ETHE1: variants seen among roughly 807,000 people sequenced by gnomAD.
ETHE1 encodes the protein ETHE1 persulfide dioxygenase.
A neutral mutation model predicts 25.7 loss-of-function variants in ETHE1; 16 were observed. The ratio of observed to expected loss-of-function variants is 0.62; its 90% CI spans 0.42 to 0.95. ETHE1 has a LOEUF of 0.95. Among genes scored for constraint, ETHE1 ranks in the 40% least tolerant of loss-of-function variants. The pLI is 0.00. For synonymous variants in ETHE1, 139 were observed against 135.9 expected, an observed-to-expected ratio of 1.02 and a Z score of -0.16; for missense variants, 300 against 333.6, an observed-to-expected ratio of 0.90 and a Z score of 0.79.
At position 43,508,765 on chromosome 19, in the gene ETHE1, A is replaced by AAGCCCTCAC. The variant is rs1568491870; in HGVS notation, c.595+1_595+9dup. On this transcript the variant is annotated intron_variant, in intron 5 of 6. Coordinates refer to ENST00000292147, the MANE Select transcript of ETHE1 (RefSeq NM_014297.5). ...ATGTACGCCCCACACCTCTTCCAGGAAGCCCTCACCATGGTAATCGTGAGC... is the reference window on the plus strand; with the variant it reads ...ATGTACGCCCCACACCTCTTCCAGGAAGCCCTCACAGCCCTCACCATGGTAATCGTGAGC... 1.9e-6 allele frequency: 3 copies of AAGCCCTCAC among 1,589,300 alleles called. No homozygotes were observed. The highest frequency in any genetic ancestry group is 1.7e-6 in the Non-Finnish European group (2 of 1,165,762).
intron 4 of ETHE1, among the ~76,000 whole-genome samples, chr19:43,510,564 A>G (rs1471374303): frequency 6.7e-6 from 1 of 149,912 alleles, no homozygotes; most frequent in Admixed American, 6.7e-5. Context: ...TGAACTCCTG[A>G]CCTCATGATC....
intron 3 of ETHE1, 180 bp downstream of exon 3, chr19:43,526,021 C>G (rs902141618): frequency 1.2e-6 from 1 of 824,038 alleles, no homozygotes; most frequent in Non-Finnish European, 1.9e-6. Flanking sequence ...CCTCTTGCCC[C>G]AGTGCCCCAC....
chr19:43,512,159 T>C (rs1005054655), intron 3 of ETHE1, among the ~76,000 whole-genome samples: 1 of 152,204 alleles, frequency 6.6e-6, no homozygotes, highest in African/African-American at 2.4e-5. Context: ...GGGATGTCTT[T>C]ATTAGCAGCA....
intron 3 of ETHE1, among the ~76,000 whole-genome samples, chr19:43,520,394 G>A (rs559203230): frequency 1.3e-5 from 2 of 152,096 alleles, no homozygotes; most frequent in Non-Finnish European, 2.9e-5. Context: ...TGGATGGTTA[G>A]AGATGTACAC....
chr19:43,508,561 ACTCACTCCTGGG>A (rs1002824649), intron 5 of ETHE1, among the ~76,000 whole-genome samples: 1 of 151,792 alleles, frequency 6.6e-6, no homozygotes, highest in African/African-American at 2.4e-5. Context: ...CTGGTCTCGA[ACTCACTCCTGGG>A]CTCAAATGAG....
intron 3 of ETHE1, among the ~76,000 whole-genome samples, chr19:43,522,934 G>A (rs1972164451): frequency 6.6e-6 from 1 of 152,104 alleles, no homozygotes; most frequent in African/African-American, 2.4e-5. Flanking sequence ...TTACTATCTG[G>A]TCCTTCACAG....
At chr19:43,509,239 G>A (rs1236238282) in intron 4 of ETHE1, among the ~76,000 whole-genome samples, 1 of 152,182 alleles carries the variant, frequency 6.6e-6, no homozygotes, top group Non-Finnish European at 1.5e-5. Context: ...GCTCATGCCT[G>A]TAATCCTAGC....
At chr19:43,510,511 T>G (rs1014012458) in intron 4 of ETHE1, among the ~76,000 whole-genome samples, 10 of 151,908 alleles carry the variant, frequency 6.6e-5, no homozygotes, top group African/African-American at 2.4e-4. Flanking sequence ...ATTTTTGTAT[T>G]TTTAGTAGAG....
intron 1 of ETHE1, 95 bp downstream of exon 1, chr19:43,527,002 T>C: frequency 6.5e-7 from 1 of 1,535,152 alleles, no homozygotes; most frequent in East Asian, 2.4e-5. Context: ...CAGGCGTGGG[T>C]CCCCCCGGAT....
intron 3 of ETHE1, among the ~76,000 whole-genome samples, chr19:43,520,745 T>A (rs1972123177): frequency 6.6e-6 from 1 of 151,930 alleles, no homozygotes; most frequent in Admixed American, 6.6e-5. Flanking sequence ...ATGCTTGAAA[T>A]TTTTCATAAT....
intron 3 of ETHE1, among the ~76,000 whole-genome samples, chr19:43,515,872 G>A (rs547200483): frequency 4.6e-5 from 7 of 152,140 alleles, no homozygotes; most frequent in South Asian, 2.1e-4. Flanking sequence ...CACCGTGACC[G>A]GCCAATCTAT....
At position 43,506,791 on chromosome 19, in the gene ETHE1, C is replaced by T. The variant is rs1225180077; in HGVS notation, c.*59G>A. On this transcript the variant is annotated 3_prime_UTR_variant, in exon 7 of 7. Coordinates refer to ENST00000292147, the MANE Select transcript of ETHE1 (RefSeq NM_014297.5). ...GAAAGGAGAGGTGCAGTGTCATTGC[C>T]GCCCTCTCCTCCCACCTAGTGCATT... The T allele has an allele frequency of 6.7e-6, 10 of 1,495,054 alleles. No individual in the cohort carries two copies. Among genetic ancestry groups the T allele is most frequent in the Admixed American group, 1.7e-5 (1 of 59,782 alleles). The allele number at this position is 1,495,054 out of a possible 1,614,324, so 92.6% of individuals were successfully genotyped here.
At chr19:43,516,623 CTTT>C (rs71169249) in intron 3 of ETHE1, among the ~76,000 whole-genome samples, 1 of 110,166 alleles carries the variant, frequency 9.1e-6, no homozygotes. Context: ...TTCTTTTTTT[CTTT>C]TTTTTTTTTT....
In ETHE1 at chr19:43,521,246, C is replaced by T. The variant is rs1972132704; in HGVS notation, c.375+4955G>A. Among the ~76,000 whole-genome samples, 6 of 152,050 alleles carry T rather than the reference C, an allele frequency of 3.9e-5. 1 individual carries two copies. In the South Asian group the frequency reaches 1.2e-3, roughly 32 times the overall value. On this transcript the variant is annotated intron_variant, in intron 3 of 6. Coordinates refer to ENST00000292147, the MANE Select transcript of ETHE1 (RefSeq NM_014297.5). ...ACTGGAGAGGCTGAGGCAGAAGGAT[C>T]ACCGAAAGGCGGAGGTTGCAGTGAG...
chr19:43,522,628 C>T (rs927174042), intron 3 of ETHE1, among the ~76,000 whole-genome samples: 1 of 152,074 alleles, frequency 6.6e-6, no homozygotes, highest in African/African-American at 2.4e-5. Context: ...AATACAGGCA[C>T]ACCCCACCAC....
intron 3 of ETHE1, among the ~76,000 whole-genome samples, chr19:43,523,558 T>C (rs1972178472): frequency 6.6e-6 from 1 of 151,646 alleles, no homozygotes; most frequent in South Asian, 2.1e-4. Flanking sequence ...ATTACAGGCA[T>C]GAGCCACCAC....
intron 3 of ETHE1, among the ~76,000 whole-genome samples, chr19:43,516,623 CTTTT>C (rs71169249): frequency 1.8e-5 from 2 of 110,166 alleles, no homozygotes. Context: ...TTCTTTTTTT[CTTTT>C]TTTTTTTTTT....
At chr19:43,508,934 A>G in intron 4 of ETHE1, 70 bp from the exon 5 acceptor site, 9 of 1,160,908 alleles carry the variant, frequency 7.8e-6, no homozygotes, top group South Asian at 1.3e-5. Context: ...CTTCAAGAAA[A>G]GGGTAGGAGG....
chr19:43,509,533 C>T (rs1171209843), intron 4 of ETHE1, among the ~76,000 whole-genome samples: 6 of 144,224 alleles, frequency 4.2e-5, no homozygotes, highest in African/African-American at 5.2e-5. Context: ...CGGTGGCTCA[C>T]GCCTGTAATC....
Sources: allele counts gnomAD v4.1 joint callset (sites outside exome capture counted in the v4.1 genomes callset), GRCh38; gene constraint gnomAD v4.1.1; transcripts MANE v1.5; gene names NCBI Gene and HGNC (gene_info 2026-07-23, HGNC 2026-07-21).